ULK1: variants seen among roughly 807,000 people sequenced by gnomAD.
ULK1 encodes the protein unc-51 like autophagy activating kinase 1.
A neutral mutation model predicts 117.5 loss-of-function variants in ULK1; 48 were observed. The observed-to-expected ratio is 0.41, with a 90% CI of 0.32 to 0.52. ULK1 has a LOEUF of 0.52. Among genes scored for constraint, ULK1 ranks in the 20% least tolerant of loss-of-function variants. ULK1 has a pLI of 0.29. For missense variants in ULK1, 1,387 were observed against 1,473.4 expected (o/e 0.94, Z 0.96); for synonymous variants, 790 against 637.8 (o/e 1.24, Z -3.60).
At position 131,922,152 on chromosome 12, in the gene ULK1, T is replaced by A. The variant is rs1129619; in HGVS notation, c.*791T>A. ...TTTCACACTTTATTCCTAAAACGTG[T>A]CTTATTTTTATGCAGCTCATTTTTT... is the stretch of plus-strand genomic sequence containing the variant. On this transcript the variant is annotated 3_prime_UTR_variant, in exon 28 of 28. Coordinates refer to ENST00000321867, the MANE Select transcript of ULK1 (RefSeq NM_003565.4). 1.1e-5 allele frequency: 4 copies of A among 375,494 alleles called. 1 individual carries two copies. The highest frequency in any genetic ancestry group is 7.6e-5 in the South Asian group (4 of 52,636). 23.3% of individuals were successfully genotyped at this position (375,494 alleles called of 1,614,324 possible). A position where few individuals can be genotyped will look rare whatever the true frequency, so the allele number is the denominator to read the frequency against.
chr12:131,907,405 G>A (rs2136388810), intron 4 of ULK1, 90 bp from the exon 5 acceptor site: 1 of 1,538,824 alleles, frequency 6.5e-7, no homozygotes, highest in South Asian at 1.2e-5. Flanking sequence ...AGGGAGTAGT[G>A]TCCAAGTGTG....
chr12:131,910,183 C>A lies in ULK1; in HGVS notation c.809-71C>A, dbSNP rs532978027. The A allele has an allele frequency of 3.1e-6, 5 of 1,599,624 alleles. No homozygotes were observed. The Admixed American group carries it at 8.3e-5, about 27-fold the overall frequency. On this transcript the variant is annotated intron_variant, in intron 10 of 27. Transcript: ENST00000321867. Reference sequence around the variant, plus strand: ...GTGCCCAACGCGGCTGGAGCTCAGGCCGTGGGGAGGCAGGGGCCTGGGGTC... The same window carrying A: ...GTGCCCAACGCGGCTGGAGCTCAGGACGTGGGGAGGCAGGGGCCTGGGGTC...
intron 3 of ULK1, among the ~76,000 whole-genome samples, chr12:131,906,333 C>T (rs1207645513): frequency 6.6e-6 from 1 of 152,172 alleles, no homozygotes; most frequent in Non-Finnish European, 1.5e-5. Flanking sequence ...TCATGATCCA[C>T]CCGCCTTGGC....
intron 22 of ULK1, 40 bp from the exon 23 acceptor site, chr12:131,918,457 T>G: frequency 6.3e-7 from 1 of 1,584,890 alleles, no homozygotes; most frequent in Non-Finnish European, 8.6e-7. Context: ...CCACGGTGTC[T>G]GCTGGTCCTG....
chr12:131,894,923 C>T lies in ULK1; in HGVS notation c.-79C>T, dbSNP rs1431267101. 45 of 257,798 alleles carry T rather than the reference C, an allele frequency of 1.7e-4. 1 individual carries two copies. The South Asian group carries it at 2.0e-3, about 11-fold the overall frequency. 16.0% of individuals were successfully genotyped at this position (257,798 alleles called of 1,614,324 possible). On this transcript the variant is annotated 5_prime_UTR_variant, in exon 1 of 28. Coordinates refer to ENST00000321867, the MANE Select transcript of ULK1 (RefSeq NM_003565.4). ...CGGCCCCGCGCCCCCGGCCCGCCCG[C>T]CCCGGCCCGCGCCTCCGCCTGAGTC... is the stretch of plus-strand genomic sequence containing the variant.
At chr12:131,915,268 G>C in intron 17 of ULK1, 37 bp downstream of exon 17, 1 of 1,608,286 alleles carries the variant, frequency 6.2e-7, no homozygotes, top group Non-Finnish European at 8.5e-7. Flanking sequence ...AGGGGCGTCT[G>C]TAGGCAGTGG....
intron 3 of ULK1, among the ~76,000 whole-genome samples, chr12:131,901,469 A>G (rs1179953298): frequency 6.6e-6 from 1 of 152,156 alleles, no homozygotes; most frequent in African/African-American, 2.4e-5. Context: ...GCCCAAAGCC[A>G]TGCCCGCGTC....
intron 8 of ULK1, 51 bp downstream of exon 8, chr12:131,909,288 C>A: frequency 6.6e-7 from 1 of 1,506,662 alleles, no homozygotes; most frequent in African/African-American, 1.4e-5. Flanking sequence ...TGCAAGTGTC[C>A]GCCAGCTGCG....
rs976155065 is a variant in ULK1, at chr12:131,921,532, C to T, written c.*171C>T. 3.2e-6 allele frequency: 3 copies of T among 939,438 alleles called. No individual in the cohort carries two copies. Among genetic ancestry groups the T allele is most frequent in the East Asian group, 4.9e-5 (2 of 41,096 alleles). 58.2% of individuals were successfully genotyped at this position (939,438 alleles called of 1,614,324 possible). ...CCTCCCTGCAGCTCACGGGGCAGAA[C>T]CAGCACATCTGGAGCCACACAGCTT... On this transcript the variant is annotated 3_prime_UTR_variant, in exon 28 of 28. Transcript: ENST00000321867.
chr12:131,917,242 GTTCGGCTCGGAGGCTGT>G (rs1889870773), intron 21 of ULK1, among the ~76,000 whole-genome samples, 152 bp from the exon 22 acceptor site: 4 of 106,366 alleles, frequency 3.8e-5, no homozygotes, highest in Admixed American at 1.0e-4. Context: ...CGGGGGTCGG[GTTCGGCTCGGAGGCTGT>G]GGGACGGGGG....
rs758360363 is a variant in ULK1 at position 131,921,102 on chromosome 12, G to A, written c.2964G>A (p.Val988=). The A allele has an allele frequency of 4.4e-5, 70 of 1,591,664 alleles. 1 individual carries two copies. The South Asian group carries it at 7.0e-4, about 16-fold the overall frequency. ...RLIFSHAVQM[V]QSAALDEMFQ... is the part of the protein sequence containing the mutation. ...CCAGCCTCTGTCCTCGCCCCCAGGT[G>A]CAGTCGGCTGCCCTGGACGAGATGT... is the stretch of plus-strand genomic sequence containing the variant. Residue 988 remains valine (V), a splice_region_variant and synonymous_variant, in exon 27 of 28, where the codon GTG becomes GTA. Transcript: ENST00000321867.
In ULK1 at chr12:131,921,155, G is replaced by T. The variant is rs377542710; in HGVS notation, c.3017G>T (p.Arg1006Leu). 3 of 1,604,554 alleles carry T rather than the reference G, an allele frequency of 1.9e-6. No homozygotes were observed. Among genetic ancestry groups the T allele is most frequent in the Non-Finnish European group, 2.5e-6 (3 of 1,179,836 alleles). The change falls in exon 27 of 28, where the codon CGC (arginine) becomes CTC (leucine). Residue 1006 changes from arginine (R) to leucine (L), a missense_variant. This residue lies in a region of ULK1 where 900 missense variants were observed against 858.9 expected (regional missense o/e 1.05). Transcript: ENST00000321867. ...MFQHREGCVP[R>L]YHKALLLLEG... is the part of the protein sequence containing the mutation. ...CAGCACCGTGAGGGCTGCGTCCCACGCTACCACAAGGCCCTGCTGCTCCTG... is the reference window on the plus strand; with the variant it reads ...CAGCACCGTGAGGGCTGCGTCCCACTCTACCACAAGGCCCTGCTGCTCCTG...
In ULK1 at chr12:131,917,520, G is replaced by A. The variant is rs376230231; in HGVS notation, c.2292G>A (p.Thr764=). 274 of 1,459,824 alleles carry A rather than the reference G, an allele frequency of 1.9e-4. No homozygotes were observed. Among genetic ancestry groups the A allele is most frequent in the Middle Eastern group, 7.6e-4 (4 of 5,290 alleles). 90.4% of individuals were successfully genotyped at this position (1,459,824 alleles called of 1,614,324 possible). ...FTVGSPPSGS[T]PPQGPRTRMF... ...TGGGCTCTCCCCCGAGCGGGAGCACGCCCCCCCAGGGCCCCCGCACCAGGA... is the reference window on the plus strand; with the variant it reads ...TGGGCTCTCCCCCGAGCGGGAGCACACCCCCCCAGGGCCCCCGCACCAGGA... The change falls in exon 22 of 28, where the codon ACG becomes ACA. Residue 764 remains threonine, a synonymous_variant. Transcript: ENST00000321867.
At chr12:131,904,458 C>T (rs182289549) in intron 3 of ULK1, among the ~76,000 whole-genome samples, 1 of 152,294 alleles carries the variant, frequency 6.6e-6, no homozygotes, top group East Asian at 1.9e-4. Context: ...AGGCCTTTGC[C>T]TTTCTAGGGG....
chr12:131,919,750 T>C (rs1390102661), intron 25 of ULK1, 160 bp downstream of exon 25: 2 of 1,045,812 alleles, frequency 1.9e-6, no homozygotes. Context: ...ACAGAGGCCA[T>C]TGGGTCGGAC....
chr12:131,895,096 A>C lies in ULK1; in HGVS notation c.95A>C (p.Lys32Thr). ...IGHGAFAVVF[K>T]GRHREKHDLE... is the part of the protein sequence containing the mutation. ...CACGGCGCCTTCGCGGTGGTCTTCA[A>C]GGGCCGCCACCGCGAGGTGAGGCCC... Residue 32 changes from lysine to threonine, a missense_variant, in exon 1 of 28, where the codon AAG becomes ACG. Lys to Thr is a moderately conservative substitution (Grantham distance 78). This residue lies in a region of ULK1 where 224 missense variants were observed against 325.2 expected (regional missense o/e 0.69). Transcript: ENST00000321867. 6.4e-7 allele frequency: 1 copy of C among 1,564,340 alleles called. No homozygotes were observed. Among genetic ancestry groups the C allele is most frequent in the Non-Finnish European group, 8.6e-7 (1 of 1,163,588 alleles).
chr12:131,904,305 C>T (rs1310027175), intron 3 of ULK1, among the ~76,000 whole-genome samples: 2 of 152,192 alleles, frequency 1.3e-5, no homozygotes, highest in Non-Finnish European at 2.9e-5. Context: ...CACTGTCACA[C>T]CTGGATAATT....
chr12:131,913,312 G>A, intron 14 of ULK1, 54 bp downstream of exon 14: 1 of 1,473,964 alleles, frequency 6.8e-7, no homozygotes, highest in Admixed American at 2.5e-5. Flanking sequence ...TGTGGCCTTG[G>A]AAGTGGCCCG....
At position 131,914,348 on chromosome 12, in the gene ULK1, A is replaced by T. The variant is rs376280921; in HGVS notation, c.1248-4A>T. 6.2e-7 allele frequency: 1 copy of T among 1,609,138 alleles called. No homozygotes were observed. Among genetic ancestry groups the T allele is most frequent in the African/African-American group, 1.3e-5 (1 of 75,044 alleles). ...GTCATGATCCTGACCTCTCTCCACC[A>T]CAGCCGGGCTGGCCCGTTCTCCAGC... On this transcript the variant is annotated splice_region_variant and splice_polypyrimidine_tract_variant and intron_variant, in intron 15 of 27. Coordinates refer to ENST00000321867, the MANE Select transcript of ULK1 (RefSeq NM_003565.4).
Sources: gnomAD v4.1 joint callset for allele counts (sites outside exome capture counted in the v4.1 genomes callset) on GRCh38, gnomAD v4.1.1 for gene constraint, gnomAD v4.1.1 regional missense constraint, MANE v1.5 for transcripts, NCBI Gene and HGNC (gene_info 2026-07-23, HGNC 2026-07-21) for gene names.